The following SLC25A35 variants were observed in gnomAD, a reference collection of about 807,000 sequenced individuals.
SLC25A35 encodes the protein solute carrier family 25 member 35.
In SLC25A35, 32 loss-of-function variants were observed where a neutral mutation model predicts 30.5. The ratio of observed to expected loss-of-function variants is 1.05; its 90% confidence interval spans 0.79 to 1.41. SLC25A35 has a LOEUF of 1.41. Among genes scored for constraint, SLC25A35 ranks in the 40% most tolerant of loss-of-function variants. The pLI is 0.00. For synonymous variants in SLC25A35, 142 were observed against 158.1 expected (o/e 0.90, Z 0.77); for missense variants, 369 against 388.0 (o/e 0.95, Z 0.41).
Position 8,290,659 on chromosome 17 carries a change from A to G in SLC25A35, c.749T>C (p.Ile250Thr). The G allele has an allele frequency of 6.4e-7, 1 of 1,566,394 alleles. No homozygotes were observed. Among genetic ancestry groups the G allele is most frequent in the Non-Finnish European group, 8.6e-7 (1 of 1,162,310 alleles). Residue 250 changes from isoleucine to threonine, a missense_variant, in exon 5 of 5, where the codon ATA becomes ACA. Transcript: ENST00000577745. ...AGCTGTCTGCAGCAGAGCGTCCAGT[A>G]TCCCCCGGTACATGAGGCCCTGAGA... ...AQGKGLMYRG[I>T]LDALLQTART...
intron 3 of SLC25A35, among the ~76,000 whole-genome samples, 156 bp downstream of exon 3, chr17:8,291,177 A>C (rs765730247): frequency 6.6e-6 from 1 of 152,158 alleles, no homozygotes; most frequent in Non-Finnish European, 1.5e-5. Context: ...GGAAGTGACA[A>C]GAGAACTGTG....
At chr17:8,291,291 C>A (rs1368142326) in intron 3 of SLC25A35, 42 bp downstream of exon 3, 3 of 1,606,758 alleles carry the variant, frequency 1.9e-6, no homozygotes, top group African/African-American at 2.7e-5. Flanking sequence ...CCCTCCCCTT[C>A]CCCCCTTCCC....
At chr17:8,288,596 T>G, downstream of SLC25A35, 1 of 669,824 alleles carries the variant, frequency 1.5e-6, no homozygotes, top group Non-Finnish European at 2.6e-6. Context: ...GCAAAGCCGC[T>G]GACCCCCGCC....
Position 8,290,383 on chromosome 17 carries a change from G to A in SLC25A35, c.*122C>T. ...ATTCAACCCTGAGAACAGATGGGGA[G>A]TGGGGTTGGCTGTCCCCCATGGATG... On this transcript the variant is annotated 3_prime_UTR_variant, in exon 5 of 5. Coordinates refer to ENST00000577745, the MANE Select transcript of SLC25A35 (RefSeq NM_001320870.2). 1 of 1,459,868 alleles carries A rather than the reference G, an allele frequency of 6.8e-7. No individual in the cohort carries two copies. Among genetic ancestry groups the A allele is most frequent in the South Asian group, 1.4e-5 (1 of 71,274 alleles). 90.4% of individuals were successfully genotyped at this position (1,459,868 alleles called of 1,614,324 possible).
chr17:8,289,010 C>G, downstream of SLC25A35: 1 of 1,614,116 alleles, frequency 6.2e-7, no homozygotes, highest in Non-Finnish European at 8.5e-7. Flanking sequence ...CCGTGACGGA[C>G]CAGAGCCTGA....
At chr17:8,288,585 A>G, downstream of SLC25A35, 1 of 645,148 alleles carries the variant, frequency 1.6e-6, no homozygotes, top group Non-Finnish European at 2.7e-6. Flanking sequence ...CGGCTTCCGG[A>G]GCAAAGCCGC....
At chr17:8,288,682 A>G (rs899418222), downstream of SLC25A35, 6 of 1,289,108 alleles carry the variant, frequency 4.7e-6, no homozygotes, top group Non-Finnish European at 6.8e-6. Context: ...GAGCTAAGCC[A>G]GACCCGGGTG....
At chr17:8,294,184 G>A (rs1990705824) in intron 1 of SLC25A35, among the ~76,000 whole-genome samples, 1 of 152,166 alleles carries the variant, frequency 6.6e-6, no homozygotes, top group African/African-American at 2.4e-5. Context: ...CAAAGTGCTG[G>A]GATTACAGGT....
At chr17:8,288,083 G>C (rs1424201524), downstream of SLC25A35, 1 of 153,300 alleles carries the variant, frequency 6.5e-6, no homozygotes, top group Non-Finnish European at 1.5e-5. Context: ...CCCCTTTGAC[G>C]AGCACCTGCC....
chr17:8,289,169 C>T, downstream of SLC25A35: 1 of 1,599,998 alleles, frequency 6.3e-7, no homozygotes, highest in Non-Finnish European at 8.6e-7. Context: ...TGAGACCACG[C>T]ACGGGCCGGG....
downstream of SLC25A35, chr17:8,289,990 A>AG (rs772157777): frequency 8.7e-6 from 14 of 1,610,526 alleles, no homozygotes; most frequent in African/African-American, 1.7e-4. Flanking sequence ...CGGTTCTGTG[A>AG]GGGGGAAAAG....
intron 2 of SLC25A35, among the ~76,000 whole-genome samples, 198 bp from the exon 3 acceptor site, chr17:8,291,683 G>A (rs567925807): frequency 4.6e-5 from 7 of 152,306 alleles, no homozygotes; most frequent in Admixed American, 1.3e-4. Context: ...GAACTGGGGC[G>A]GGATGTATGC....
chr17:8,290,673 G>T lies in SLC25A35; in HGVS notation c.735C>A (p.Leu245=). 1 of 1,581,610 alleles carries T rather than the reference G, an allele frequency of 6.3e-7. No individual in the cohort carries two copies. Among genetic ancestry groups the T allele is most frequent in the Non-Finnish European group, 8.5e-7 (1 of 1,170,052 alleles). The change falls in exon 5 of 5, where the codon CTC becomes CTA. Residue 245 remains leucine, a synonymous_variant. Coordinates refer to ENST00000577745, the MANE Select transcript of SLC25A35 (RefSeq NM_001320870.2). ...GAGCGTCCAGTATCCCCCGGTACAT[G>T]AGGCCCTGAGAGTGTGTCAGAGAGG... ...NQPTDAQGKG[L]MYRGILDALL...
intron 1 of SLC25A35, among the ~76,000 whole-genome samples, chr17:8,293,338 C>G (rs1990632815): frequency 1.3e-5 from 2 of 152,086 alleles, no homozygotes; most frequent in Admixed American, 1.3e-4. Context: ...CCTTATCCTC[C>G]CCTTCACAAA....
At position 8,294,845 on chromosome 17, in the gene SLC25A35, G is replaced by T; in HGVS notation, c.-38C>A. On this transcript the variant is annotated 5_prime_UTR_variant, in exon 1 of 5. Transcript: ENST00000577745. Reference sequence around the variant, plus strand: ...GTAGCAGGAACTGACCCAAGAGTAAGAAAGTAAAAATGGGTGTCAGAAAGC... The same window carrying T: ...GTAGCAGGAACTGACCCAAGAGTAATAAAGTAAAAATGGGTGTCAGAAAGC... The T allele has an allele frequency of 6.6e-7, 1 of 1,526,182 alleles. No homozygotes were observed. The highest frequency in any genetic ancestry group is 8.8e-7 in the Non-Finnish European group (1 of 1,137,438). 94.5% of individuals were successfully genotyped at this position (1,526,182 alleles called of 1,614,324 possible). A position where few individuals can be genotyped will look rare whatever the true frequency, so the allele number is the denominator to read the frequency against.
chr17:8,292,181 C>CAACAA (rs1187247868), intron 2 of SLC25A35, among the ~76,000 whole-genome samples: 3 of 151,114 alleles, frequency 2.0e-5, no homozygotes, highest in South Asian at 2.1e-4. Context: ...GACTCTGTCT[C>CAACAA]AACAAAACAA....
Position 8,291,411 on chromosome 17 carries a change from G to T in SLC25A35, c.516C>A (p.Gly172=), listed in dbSNP as rs1990491617. 1.9e-6 allele frequency: 3 copies of T among 1,614,188 alleles called. No homozygotes were observed. Among genetic ancestry groups the T allele is most frequent in the Non-Finnish European group, 2.5e-6 (3 of 1,180,028 alleles). ...LVGLWRGALG[G]LPRVIVGSST... ...AGGAACCGACGATAACTCGGGGCAG[G>T]CCGCCCAGAGCCCCACGCCATAACC... is the stretch of plus-strand genomic sequence containing the variant. The change falls in exon 3 of 5, where the codon GGC becomes GGA. Residue 172 remains glycine (G), a synonymous_variant. Transcript: ENST00000577745.
In SLC25A35 at chr17:8,294,632, A is replaced by G. The variant is rs764841649; in HGVS notation, c.176T>C (p.Leu59Pro). The G allele has an allele frequency of 1.2e-6, 2 of 1,614,208 alleles. No homozygotes were observed. The highest frequency in any genetic ancestry group is 3.3e-5 in the Admixed American group (2 of 60,030). ...GGCCAGGCCTTTCTGCAGGGCAGCA[A>G]GGCCATCCACCTTGCCGATGGTGAT... ...AFITIGKVDGLAALQKGLAPA... is the reference protein window; with the variant it reads ...AFITIGKVDGPAALQKGLAPA... Residue 59 changes from leucine (L) to proline (P), a missense_variant, in exon 1 of 5, where the codon CTT (leucine) becomes CCT (proline). Coordinates refer to ENST00000577745, the MANE Select transcript of SLC25A35 (RefSeq NM_001320870.2).
At chr17:8,291,622 G>A (rs1990511923) in intron 2 of SLC25A35, 137 bp from the exon 3 acceptor site, 2 of 1,276,664 alleles carry the variant, frequency 1.6e-6, no homozygotes, top group Non-Finnish European at 2.1e-6. Context: ...GAGCCAGAAT[G>A]TGGGCCCTTG....
Sources: gnomAD v4.1 joint callset for allele counts (sites outside exome capture counted in the v4.1 genomes callset) on GRCh38, gnomAD v4.1.1 for gene constraint, MANE v1.5 for transcripts, NCBI Gene and HGNC (gene_info 2026-07-23, HGNC 2026-07-21) for gene names.